PRTFDC1: variants seen among roughly 807,000 people sequenced by gnomAD.
The protein encoded by PRTFDC1 is phosphoribosyl transferase domain containing 1.
In PRTFDC1, 38 loss-of-function variants were observed where a neutral mutation model predicts 34.6. The observed-to-expected ratio is 1.10, with a 90% confidence interval of 0.85 to 1.44. The LOEUF is 1.44. Among genes scored for constraint, PRTFDC1 ranks in the 40% most tolerant of loss-of-function variants. The pLI, the probability that PRTFDC1 is intolerant of heterozygous loss-of-function variation, is 0.00. For synonymous variants in PRTFDC1, 93 were observed against 98.1 expected, an observed-to-expected ratio of 0.95 and a Z score of 0.31; for missense variants, 270 against 283.0, an observed-to-expected ratio of 0.95 and a Z score of 0.33.
At chr10:24,937,626 T>C (rs1481852657) in intron 2 of PRTFDC1, among the ~76,000 whole-genome samples, 1 of 151,144 alleles carries the variant, frequency 6.6e-6, no homozygotes, top group African/African-American at 2.4e-5. Context: ...GGCACGATCT[T>C]GGCTCACTGC....
chr10:24,906,250 C>G (rs1269042490), intron 3 of PRTFDC1, among the ~76,000 whole-genome samples: 1 of 152,036 alleles, frequency 6.6e-6, no homozygotes, highest in African/African-American at 2.4e-5. Context: ...GTAGAGAGCC[C>G]CACTCCACGT....
intron 6 of PRTFDC1, 109 bp downstream of exon 6, chr10:24,856,804 C>CACTAGTTT: frequency 9.9e-7 from 1 of 1,005,378 alleles, no homozygotes; most frequent in South Asian, 1.4e-5. Context: ...GGGAAAAGGT[C>CACTAGTTT]ACTAGTTTGG....
chr10:24,893,756 C>T (rs974608745), intron 3 of PRTFDC1, among the ~76,000 whole-genome samples: 2 of 152,140 alleles, frequency 1.3e-5, no homozygotes, highest in African/African-American at 4.8e-5. Context: ...TTAATTAAAT[C>T]GTTGGTCCAA....
chr10:24,899,244 A>G (rs547129886), intron 3 of PRTFDC1, among the ~76,000 whole-genome samples: 3 of 152,086 alleles, frequency 2.0e-5, no homozygotes, highest in Non-Finnish European at 4.4e-5. Context: ...CCACCCCCCA[A>G]TTTGTGTCTC....
intron 3 of PRTFDC1, among the ~76,000 whole-genome samples, chr10:24,934,248 G>A (rs111405672): frequency 0.014 from 1,316 of 97,272 alleles, 11 homozygotes; most frequent in East Asian, 0.034. Flanking sequence ...GAAGAAGAAG[G>A]AGAAGAAGAA....
intron 3 of PRTFDC1, among the ~76,000 whole-genome samples, chr10:24,895,253 C>CTTTTTT (rs60331186): frequency 0.36 from 37,098 of 104,084 alleles, 7,478 homozygotes; most frequent in East Asian, 0.51. Flanking sequence ...TCTCCACTTT[C>CTTTTTT]TTTTTTTTTT....
chr10:24,921,068 C>T (rs1247059637), intron 3 of PRTFDC1, among the ~76,000 whole-genome samples: 1 of 151,416 alleles, frequency 6.6e-6, no homozygotes, highest in Non-Finnish European at 1.5e-5. Flanking sequence ...ATTTCCCTGC[C>T]TACAACACAG....
chr10:24,851,835 C>T (rs1230074385), intron 7 of PRTFDC1, among the ~76,000 whole-genome samples: 1 of 151,506 alleles, frequency 6.6e-6, no homozygotes, highest in Non-Finnish European at 1.5e-5. Context: ...CTCTCAACAA[C>T]ACAAAGGAAA....
intron 3 of PRTFDC1, among the ~76,000 whole-genome samples, chr10:24,902,110 G>T (rs1252593291): frequency 1.3e-5 from 2 of 152,210 alleles, no homozygotes; most frequent in African/African-American, 4.8e-5. Context: ...GGGAGGGAAA[G>T]AAGGAAACTG....
intron 4 of PRTFDC1, among the ~76,000 whole-genome samples, chr10:24,865,375 G>A (rs377346696): frequency 7.9e-5 from 12 of 152,084 alleles, no homozygotes; most frequent in African/African-American, 2.7e-4. Context: ...TTTTGAGTGG[G>A]CAACTTCTCT....
intron 4 of PRTFDC1, among the ~76,000 whole-genome samples, chr10:24,864,524 C>T (rs1318548431): frequency 6.6e-6 from 1 of 152,146 alleles, no homozygotes; most frequent in African/African-American, 2.4e-5. Context: ...CCTCCACCAG[C>T]AAAAAGATGA....
At chr10:24,909,525 T>G (rs1156502569) in intron 3 of PRTFDC1, among the ~76,000 whole-genome samples, 2 of 152,184 alleles carry the variant, frequency 1.3e-5, no homozygotes, top group Non-Finnish European at 2.9e-5. Context: ...GAATCACTGA[T>G]GCAGAGAGTA....
intron 4 of PRTFDC1, among the ~76,000 whole-genome samples, chr10:24,866,093 GT>G (rs1293437745): frequency 6.6e-6 from 1 of 152,104 alleles, no homozygotes; most frequent in Non-Finnish European, 1.5e-5. Context: ...GGGCACAGTG[GT>G]TCATTCCTGT....
intron 3 of PRTFDC1, among the ~76,000 whole-genome samples, chr10:24,915,025 C>G (rs137892455): frequency 6.6e-6 from 1 of 152,238 alleles, no homozygotes; most frequent in East Asian, 1.9e-4. Context: ...CAATCGAACC[C>G]TAAACCTCAG....
chr10:24,911,086 C>T (rs1421344666), intron 3 of PRTFDC1, among the ~76,000 whole-genome samples: 4 of 152,118 alleles, frequency 2.6e-5, no homozygotes, highest in African/African-American at 9.7e-5. Context: ...TTAAAAAAAT[C>T]AGCTCTTTCG....
intron 3 of PRTFDC1, among the ~76,000 whole-genome samples, chr10:24,902,544 A>G (rs966954728): frequency 2.0e-5 from 3 of 152,168 alleles, no homozygotes; most frequent in African/African-American, 4.8e-5. Flanking sequence ...CAAGACTAGA[A>G]TCTCCTCCTC....
intron 4 of PRTFDC1, among the ~76,000 whole-genome samples, chr10:24,866,481 G>A (rs1486123962): frequency 2.0e-5 from 3 of 151,634 alleles, no homozygotes; most frequent in Non-Finnish European, 4.4e-5. Flanking sequence ...ATTTGAGCCT[G>A]TTTCCATGCA....
chr10:24,928,156 T>C (rs748956889), intron 3 of PRTFDC1, among the ~76,000 whole-genome samples: 5 of 152,178 alleles, frequency 3.3e-5, no homozygotes, highest in Non-Finnish European at 5.9e-5. Flanking sequence ...TAGTGAAATA[T>C]GGTAAGTTTT....
intron 3 of PRTFDC1, among the ~76,000 whole-genome samples, chr10:24,911,622 C>T (rs1848628110): frequency 6.6e-6 from 1 of 152,186 alleles, no homozygotes; most frequent in South Asian, 2.1e-4. Context: ...AATCCCAGCA[C>T]TTTGGGAGGC....
Sources: allele counts gnomAD v4.1 joint callset (sites outside exome capture counted in the v4.1 genomes callset), GRCh38; gene constraint gnomAD v4.1.1; transcripts MANE v1.5; gene names NCBI Gene and HGNC (gene_info 2026-07-23, HGNC 2026-07-21).